The following KLHL1 variants were observed in gnomAD, a reference collection of about 807,000 sequenced individuals.
KLHL1 encodes kelch-like protein 1.
A neutral mutation model predicts 77.7 loss-of-function variants in KLHL1; 47 were observed. That is an observed-to-expected ratio of 0.60 (90% CI 0.48 to 0.77). The LOEUF (loss-of-function observed/expected upper bound fraction) is 0.77, where lower values mean the gene tolerates loss of function less well. Ranked by LOEUF, KLHL1 falls within the 30% of genes least tolerant of loss-of-function variation. KLHL1 has a pLI of 0.00. For missense variants in KLHL1, 925 were observed against 910.8 expected, an observed-to-expected ratio of 1.02 and a Z score of -0.20; for synonymous variants, 360 against 325.2, an observed-to-expected ratio of 1.11 and a Z score of -1.15.
intron 5 of KLHL1, among the ~76,000 whole-genome samples, chr13:69,876,523 T>G (rs2138185674): frequency 6.6e-6 from 1 of 152,350 alleles, no homozygotes; most frequent in African/African-American, 2.4e-5. Flanking sequence ...CTTGTTATTT[T>G]ATTGTGCTTG....
intron 1 of KLHL1, among the ~76,000 whole-genome samples, chr13:69,982,086 T>C (rs1327781335): frequency 6.6e-6 from 1 of 152,142 alleles, no homozygotes; most frequent in African/African-American, 2.4e-5. Context: ...AAATAACTTG[T>C]TATTATAAGG....
At chr13:69,748,923 T>C (rs1394177648) in intron 7 of KLHL1, among the ~76,000 whole-genome samples, 1 of 151,996 alleles carries the variant, frequency 6.6e-6, no homozygotes, top group Non-Finnish European at 1.5e-5. Context: ...AATTAAATTG[T>C]TTAGCAAGTA....
intron 3 of KLHL1, among the ~76,000 whole-genome samples, chr13:69,960,204 G>A (rs1884022121): frequency 6.7e-6 from 1 of 149,626 alleles, no homozygotes; most frequent in African/African-American, 2.5e-5. Context: ...CCTAAAAGAG[G>A]ACAGAGTCCT....
chr13:69,750,895 T>C (rs2137947761), intron 7 of KLHL1, among the ~76,000 whole-genome samples: 1 of 152,146 alleles, frequency 6.6e-6, no homozygotes, highest in East Asian at 1.9e-4. Flanking sequence ...AAAAAATACA[T>C]CTGGAATATG....
At chr13:70,017,274 T>C (rs1773717071) in intron 1 of KLHL1, among the ~76,000 whole-genome samples, 1 of 152,194 alleles carries the variant, frequency 6.6e-6, no homozygotes, top group Non-Finnish European at 1.5e-5. Context: ...AGCCCAAATA[T>C]AGGGGCTCCC....
intron 4 of KLHL1, among the ~76,000 whole-genome samples, chr13:69,907,449 A>T: frequency 6.6e-6 from 1 of 152,132 alleles, no homozygotes; most frequent in Middle Eastern, 3.4e-3. Flanking sequence ...AAGAATTTAT[A>T]TATTACTTAT....
At chr13:70,080,251 G>GC (rs1887362187) in intron 1 of KLHL1, among the ~76,000 whole-genome samples, 1 of 152,108 alleles carries the variant, frequency 6.6e-6, no homozygotes, top group South Asian at 2.1e-4. Context: ...ACGTGGCTTG[G>GC]CTCTTTTTAA....
chr13:69,982,016 C>T (rs548510230), intron 1 of KLHL1, among the ~76,000 whole-genome samples: 12 of 151,958 alleles, frequency 7.9e-5, no homozygotes, highest in Admixed American at 1.3e-4. Flanking sequence ...GAGAATAAAG[C>T]GTACTGTGTT....
chr13:69,927,747 C>T (rs987688696), intron 4 of KLHL1, among the ~76,000 whole-genome samples: 8 of 152,012 alleles, frequency 5.3e-5, no homozygotes, highest in East Asian at 1.9e-4. Flanking sequence ...TAAAAAACAA[C>T]AAAAATTATT....
chr13:69,787,421 A>G (rs1876613872), intron 7 of KLHL1, among the ~76,000 whole-genome samples: 1 of 152,226 alleles, frequency 6.6e-6, no homozygotes, highest in Non-Finnish European at 1.5e-5. Flanking sequence ...AGGATTCCCT[A>G]TTTAATAAAA....
At chr13:69,744,642 A>G (rs1874128800) in intron 7 of KLHL1, among the ~76,000 whole-genome samples, 7 of 151,558 alleles carry the variant, frequency 4.6e-5, no homozygotes, top group Admixed American at 4.6e-4. Context: ...CTCTCATGCA[A>G]CTTCCCGAAA....
chr13:70,016,444 G>A (rs374011034), intron 1 of KLHL1, among the ~76,000 whole-genome samples: 161 of 152,350 alleles, frequency 1.1e-3, no homozygotes, highest in African/African-American at 3.8e-3. Flanking sequence ...GCTCGTAAGT[G>A]CCTGCTCTAG....
At chr13:69,922,986 A>T (rs940148581) in intron 4 of KLHL1, among the ~76,000 whole-genome samples, 1 of 152,226 alleles carries the variant, frequency 6.6e-6, no homozygotes, top group African/African-American at 2.4e-5. Context: ...ATTGCAAATG[A>T]ATTTCAATAT....
chr13:69,944,445 C>T (rs764635455), intron 3 of KLHL1, among the ~76,000 whole-genome samples: 11 of 152,082 alleles, frequency 7.2e-5, no homozygotes, highest in Admixed American at 2.6e-4. Flanking sequence ...ATTATTTTGC[C>T]GTAACAATTC....
rs553292521 is a variant in KLHL1, at chr13:69,943,483, AAT to A, written c.818-3249_818-3248del. On this transcript the variant is annotated intron_variant, in intron 3 of 10. Coordinates refer to ENST00000377844, the MANE Select transcript of KLHL1 (RefSeq NM_020866.3). ...AATACAGTGATTAGAGTAATATGAA[AAT>A]ATGTTTATTATATATTAAAATATAG... Among the ~76,000 whole-genome samples, 18 of 152,082 alleles carry A rather than the reference AAT, an allele frequency of 1.2e-4. 1 individual carries two copies. In the South Asian group the frequency reaches 3.3e-3, roughly 28 times the overall value.
At chr13:69,913,550 G>A (rs1487063758) in intron 4 of KLHL1, among the ~76,000 whole-genome samples, 1 of 152,176 alleles carries the variant, frequency 6.6e-6, no homozygotes, top group Non-Finnish European at 1.5e-5. Context: ...CGTAAACAGA[G>A]CTATGTATCA....
rs1881023754 is a variant in KLHL1 at position 69,882,137 on chromosome 13, C to T, written c.1227+146G>A. On this transcript the variant is annotated intron_variant, in intron 5 of 10. Transcript: ENST00000377844. ...ACGATCCATCATCATACATCATTTTCCACCATCAAATTTAACTTAAAAGTA... is the reference window on the plus strand; with the variant it reads ...ACGATCCATCATCATACATCATTTTTCACCATCAAATTTAACTTAAAAGTA... 8.0e-6 allele frequency: 5 copies of T among 627,682 alleles called. No individual in the cohort carries two copies. The South Asian group carries it at 8.3e-5, about 10-fold the overall frequency. 38.9% of individuals were successfully genotyped at this position (627,682 alleles called of 1,614,324 possible).
At chr13:69,946,033 CTTATG>C (rs1197591460) in intron 3 of KLHL1, among the ~76,000 whole-genome samples, 2 of 151,998 alleles carry the variant, frequency 1.3e-5, no homozygotes, top group Admixed American at 6.6e-5. Context: ...ACCATGGTTA[CTTATG>C]TTGAGTGCAA....
chr13:69,939,124 C>A (rs1883269743), intron 4 of KLHL1, among the ~76,000 whole-genome samples: 1 of 151,030 alleles, frequency 6.6e-6, no homozygotes, highest in Non-Finnish European at 1.5e-5. Flanking sequence ...CTATGCCAGG[C>A]ACCCATGCTA....
Sources: allele counts gnomAD v4.1 joint callset (sites outside exome capture counted in the v4.1 genomes callset), GRCh38; gene constraint gnomAD v4.1.1; transcripts MANE v1.5; gene names NCBI Gene and HGNC (gene_info 2026-07-23, HGNC 2026-07-21).